TTLL7: variants seen among roughly 807,000 people sequenced by gnomAD.
The protein encoded by TTLL7 is tubulin tyrosine ligase like 7, also known as tubulin polyglutamylase TTLL7.
A neutral mutation model predicts 120.2 loss-of-function variants in TTLL7; 53 were observed. The ratio of observed to expected loss-of-function variants is 0.44; its 90% confidence interval spans 0.35 to 0.55. The LOEUF (loss-of-function observed/expected upper bound fraction) is 0.55. Ranked by LOEUF, TTLL7 falls within the 20% of genes least tolerant of loss-of-function variation. The pLI is 0.00. For synonymous variants in TTLL7, 353 were observed against 351.7 expected (o/e 1.00, Z -0.04); for missense variants, 803 against 1,054.7 (o/e 0.76, Z 3.31).
chr1:83,870,943 G>GA (rs201228478), intron 20 of TTLL7, among the ~76,000 whole-genome samples: 6,245 of 151,356 alleles, frequency 0.041, 151 homozygotes, highest in Middle Eastern at 0.096. Flanking sequence ...CGGGTTGCAT[G>GA]TAACCCTTGC....
Position 83,921,883 on chromosome 1 carries a change from C to T in TTLL7, c.1143-489G>A, listed in dbSNP as rs550111126. 3.3e-5 allele frequency among the ~76,000 whole-genome samples: 5 copies of T among 152,218 alleles called. No individual in the cohort carries two copies. In the South Asian group the frequency reaches 1.0e-3, roughly 32 times the overall value. The stretch of plus-strand genomic sequence containing the variant: ...ACCACTCTTTAATACATTTTCATTT[C>T]TGACCGAAATCTCAGCCTAACAATC... On this transcript the variant is annotated intron_variant, in intron 10 of 20. Transcript: ENST00000260505.
chr1:83,883,438 G>A (rs1294611832), intron 19 of TTLL7, among the ~76,000 whole-genome samples: 2 of 151,788 alleles, frequency 1.3e-5, no homozygotes, highest in East Asian at 3.9e-4. Flanking sequence ...GAGTACAGTG[G>A]CTATTCACAG....
Position 83,911,112 on chromosome 1 carries a change from T to A in TTLL7, c.1786+53A>T. On this transcript the variant is annotated intron_variant, in intron 15 of 20. Transcript: ENST00000260505. ...AAGGACCTTTTACTGAGTTTAATAA[T>A]TTCAGTTCCATAATTCTTTATATAA... 4 of 1,466,942 alleles carry A rather than the reference T, an allele frequency of 2.7e-6. No individual in the cohort carries two copies. In the South Asian group the frequency reaches 4.8e-5, roughly 18 times the overall value. 90.9% of individuals were successfully genotyped at this position (1,466,942 alleles called of 1,614,324 possible).
intron 1 of TTLL7, among the ~76,000 whole-genome samples, chr1:83,957,412 T>A (rs1438887705): frequency 6.6e-6 from 1 of 152,166 alleles, no homozygotes; most frequent in South Asian, 2.1e-4. Context: ...GTTAAAAATA[T>A]GTAAAATAAT....
chr1:83,904,204 A>AT, intron 17 of TTLL7, 45 bp from the exon 18 acceptor site: 1 of 1,436,718 alleles, frequency 7.0e-7, no homozygotes, highest in Non-Finnish European at 9.7e-7. Flanking sequence ...GTTGAAACCC[A>AT]TTTTTTAAAT....
At chr1:83,901,313 G>T (rs1656703859) in intron 18 of TTLL7, among the ~76,000 whole-genome samples, 1 of 151,768 alleles carries the variant, frequency 6.6e-6, no homozygotes, top group Non-Finnish European at 1.5e-5. Context: ...TACATAGAAA[G>T]CTGCAATTAT....
chr1:83,906,955 T>C (rs1257209725), intron 16 of TTLL7, among the ~76,000 whole-genome samples: 2 of 152,086 alleles, frequency 1.3e-5, no homozygotes, highest in African/African-American at 4.8e-5. Flanking sequence ...AATTCACTAC[T>C]TTCTAAATAT....
chr1:83,993,630 T>C (rs965084536), intron 1 of TTLL7, among the ~76,000 whole-genome samples: 2 of 152,132 alleles, frequency 1.3e-5, no homozygotes, highest in Non-Finnish European at 2.9e-5. Flanking sequence ...TCTCACCAAT[T>C]TCAAAAGAAA....
chr1:83,974,405 T>G (rs1651271636), intron 1 of TTLL7, among the ~76,000 whole-genome samples: 1 of 152,014 alleles, frequency 6.6e-6, no homozygotes, highest in African/African-American at 2.4e-5. Context: ...TAAAATGTTC[T>G]TTTTAAAGCC....
intron 14 of TTLL7, among the ~76,000 whole-genome samples, chr1:83,915,465 T>G (rs1362275991): frequency 1.3e-5 from 2 of 152,152 alleles, no homozygotes; most frequent in Non-Finnish European, 2.9e-5. Flanking sequence ...CTGGACCCCT[T>G]CCTTACACCT....
intron 7 of TTLL7, 35 bp downstream of exon 7, chr1:83,942,428 G>T: frequency 1.3e-6 from 2 of 1,528,170 alleles, no homozygotes; most frequent in South Asian, 1.1e-5. Flanking sequence ...GTTGACAAAT[G>T]AATGAAAAGA....
At chr1:83,879,014 TA>T (rs1654206340) in intron 20 of TTLL7, among the ~76,000 whole-genome samples, 2 of 151,986 alleles carry the variant, frequency 1.3e-5, no homozygotes, top group African/African-American at 4.8e-5. Flanking sequence ...AATCACCTCA[TA>T]AATTATTTAG....
In TTLL7 at chr1:83,944,601, G is replaced by A. The variant is rs927211509; in HGVS notation, c.507-1922C>T. Among the ~76,000 whole-genome samples the A allele has an allele frequency of 1.7e-4, 26 of 152,186 alleles. No homozygotes were observed. The South Asian group carries it at 1.9e-3, about 11-fold the overall frequency. On this transcript the variant is annotated intron_variant, in intron 6 of 20. Coordinates refer to ENST00000260505, the MANE Select transcript of TTLL7 (RefSeq NM_024686.6). ...CATACGCCTGTAATCCCAGCTGCTC[G>A]GGAGGCTGGGGAAGGAGAGTCACTT...
intron 8 of TTLL7, among the ~76,000 whole-genome samples, chr1:83,934,879 G>C (rs987627516): frequency 6.6e-6 from 1 of 152,122 alleles, no homozygotes; most frequent in African/African-American, 2.4e-5. Context: ...AAAAAAATGA[G>C]ATTCCATGTA....
chr1:83,871,886 G>C (rs1297116693), intron 20 of TTLL7, among the ~76,000 whole-genome samples: 3 of 116,406 alleles, frequency 2.6e-5, no homozygotes, highest in African/African-American at 1.0e-4. Flanking sequence ...GACAGAGCAA[G>C]ACTCCATCTC....
chr1:83,875,785 TCTG>T (rs1347030245), intron 20 of TTLL7, among the ~76,000 whole-genome samples: 2 of 151,920 alleles, frequency 1.3e-5, no homozygotes, highest in Non-Finnish European at 2.9e-5. Context: ...TATTGTGTGG[TCTG>T]CTTTTTTCTT....
At chr1:83,985,654 A>C (rs1372401568) in intron 1 of TTLL7, among the ~76,000 whole-genome samples, 6 of 152,162 alleles carry the variant, frequency 3.9e-5, no homozygotes, top group Admixed American at 3.9e-4. Flanking sequence ...GTTCGAGACC[A>C]ACCTGGGCAA....
chr1:83,906,497 G>A (rs1442191436), intron 16 of TTLL7, 34 bp from the exon 17 acceptor site: 1 of 1,609,362 alleles, frequency 6.2e-7, no homozygotes, highest in African/African-American at 1.3e-5. Flanking sequence ...ATTTGGAGGG[G>A]GTCTTATTTC....
chr1:83,892,240 AT>A (rs1655557658), intron 18 of TTLL7, among the ~76,000 whole-genome samples: 1 of 138,782 alleles, frequency 7.2e-6, no homozygotes, highest in African/African-American at 2.7e-5. Context: ...ATATATATGA[AT>A]ATATATGTAT....
Sources: allele counts gnomAD v4.1 joint callset (sites outside exome capture counted in the v4.1 genomes callset), GRCh38; gene constraint gnomAD v4.1.1; transcripts MANE v1.5; gene names NCBI Gene and HGNC (gene_info 2026-07-23, HGNC 2026-07-21).